TRPC6: variants seen among roughly 807,000 people sequenced by gnomAD.
The protein encoded by TRPC6 is transient receptor potential cation channel subfamily C member 6, also known as short transient receptor potential channel 6.
Under a neutral mutation model 90.7 loss-of-function variants are expected in TRPC6, and 55 were observed. The observed-to-expected ratio is 0.61, with a 90% CI of 0.49 to 0.76. TRPC6 has a LOEUF of 0.76. Among genes scored for constraint, TRPC6 ranks in the 30% least tolerant of loss-of-function variants. The pLI is 0.00. For synonymous variants in TRPC6, 393 were observed against 393.0 expected, an observed-to-expected ratio of 1.00 and a Z score of 0.00; for missense variants, 989 against 1,122.7, an observed-to-expected ratio of 0.88 and a Z score of 1.70.
rs541169363 is a variant in TRPC6 at position 101,502,707 on chromosome 11, G to A, written c.945+1317C>T. 2.2e-4 allele frequency among the ~76,000 whole-genome samples: 33 copies of A among 152,324 alleles called. No individual in the cohort carries two copies. The South Asian group carries it at 6.0e-3, about 28-fold the overall frequency. On this transcript the variant is annotated intron_variant, in intron 2 of 12. Transcript: ENST00000344327. ...ACAGGGTTAGAAGGACCATTTACTT[G>A]TCTTGCCCTGTTAGCTGCCAGGTAG...
intron 1 of TRPC6, among the ~76,000 whole-genome samples, chr11:101,561,491 GTTGAGAACAT>G (rs1861712102): frequency 6.6e-6 from 1 of 152,108 alleles, no homozygotes; most frequent in South Asian, 2.1e-4. Context: ...CATGGAAACT[GTTGAGAACAT>G]TTGAGAACAG....
chr11:101,475,583 C>T (rs979028411), intron 6 of TRPC6, among the ~76,000 whole-genome samples: 3 of 152,164 alleles, frequency 2.0e-5, no homozygotes, highest in East Asian at 1.9e-4. Context: ...TCATCCTATC[C>T]GTGTACCCTT....
intron 1 of TRPC6, among the ~76,000 whole-genome samples, chr11:101,545,608 G>A (rs1200024319): frequency 6.6e-6 from 1 of 152,134 alleles, no homozygotes; most frequent in Non-Finnish European, 1.5e-5. Context: ...CCAATACTCT[G>A]TTAACATTAT....
chr11:101,463,115 C>T lies in TRPC6; in HGVS notation c.2484+6312G>A, dbSNP rs377374915. On this transcript the variant is annotated intron_variant, in intron 10 of 12. Coordinates refer to ENST00000344327, the MANE Select transcript of TRPC6 (RefSeq NM_004621.6). Reference sequence around the variant, plus strand: ...TGTTTACGTGATGGATTACGTTTATCGATTTGCGTATGTTGAACCAGCCTT... The same window carrying T: ...TGTTTACGTGATGGATTACGTTTATTGATTTGCGTATGTTGAACCAGCCTT... Among the ~76,000 whole-genome samples, 57 of 152,122 alleles carry T rather than the reference C, an allele frequency of 3.7e-4. No individual in the cohort carries two copies. The East Asian group carries it at 3.9e-3, about 10-fold the overall frequency.
At chr11:101,509,829 T>C (rs1008987344) in intron 1 of TRPC6, among the ~76,000 whole-genome samples, 1 of 152,154 alleles carries the variant, frequency 6.6e-6, no homozygotes, top group Non-Finnish European at 1.5e-5. Flanking sequence ...GCCTAGATTA[T>C]CATAATCTGT....
chr11:101,528,099 A>G (rs1316656641), intron 1 of TRPC6, among the ~76,000 whole-genome samples: 3 of 152,118 alleles, frequency 2.0e-5, no homozygotes, highest in Non-Finnish European at 2.9e-5. Flanking sequence ...ATATTTGTCT[A>G]TGTCTATCTG....
At chr11:101,503,405 G>C (rs986692572) in intron 2 of TRPC6, among the ~76,000 whole-genome samples, 2 of 152,132 alleles carry the variant, frequency 1.3e-5, no homozygotes, top group Non-Finnish European at 2.9e-5. Flanking sequence ...ACCATATACA[G>C]CTGAAATGCC....
chr11:101,578,007 A>C (rs969547164), intron 1 of TRPC6, among the ~76,000 whole-genome samples: 4 of 151,308 alleles, frequency 2.6e-5, no homozygotes, highest in Admixed American at 6.6e-5. Flanking sequence ...ATTTCATTAA[A>C]GTAGCTGGCA....
Position 101,504,704 on chromosome 11 carries a change from T to TAAACATGTATGC in TRPC6, c.253_264dup (p.Ala85_Phe88dup), listed in dbSNP as rs778276152. The TAAACATGTATGC allele has an allele frequency of 3.8e-4, 602 of 1,594,646 alleles. 2 individuals carry two copies. Among genetic ancestry groups the TAAACATGTATGC allele is most frequent in the Non-Finnish European group, 4.8e-4 (560 of 1,169,320 alleles). ...ATAGATAGGCTTGTGGAGCGATCAC[T>TAAACATGTATGC]AAACATGTATGCTGGTCCTCGATTA... On this transcript the variant is annotated inframe_insertion, in exon 2 of 13. Transcript: ENST00000344327.
chr11:101,510,761 C>A (rs1015322571), intron 1 of TRPC6, among the ~76,000 whole-genome samples: 1 of 152,056 alleles, frequency 6.6e-6, no homozygotes, highest in Non-Finnish European at 1.5e-5. Context: ...TTGAAAATGC[C>A]AGCAATGCAA....
chr11:101,559,808 C>T (rs1255125803), intron 1 of TRPC6, among the ~76,000 whole-genome samples: 1 of 139,060 alleles, frequency 7.2e-6, no homozygotes, highest in African/African-American at 2.7e-5. Context: ...CAACAGGCCC[C>T]GGTGTGTGAT....
chr11:101,583,648 G>C lies in TRPC6; in HGVS notation c.-145C>G. Reference sequence around the variant, plus strand: ...CCCAGGGGACGACGGTGAAGCAGGGGGTGCAGACGCCCGCCGCAAGTGGCT... The same window carrying C: ...CCCAGGGGACGACGGTGAAGCAGGGCGTGCAGACGCCCGCCGCAAGTGGCT... On this transcript the variant is annotated 5_prime_UTR_variant, in exon 1 of 13. Coordinates refer to ENST00000344327, the MANE Select transcript of TRPC6 (RefSeq NM_004621.6). 4.6e-6 allele frequency: 4 copies of C among 865,584 alleles called. No homozygotes were observed. The highest frequency in any genetic ancestry group is 4.8e-6 in the Non-Finnish European group (3 of 618,642). 53.6% of individuals were successfully genotyped at this position (865,584 alleles called of 1,614,324 possible).
At chr11:101,466,149 C>T (rs547594409) in intron 10 of TRPC6, among the ~76,000 whole-genome samples, 21 of 152,114 alleles carry the variant, frequency 1.4e-4, no homozygotes, top group Admixed American at 3.3e-4. Context: ...CTTGAATCTT[C>T]GTCCCAAAGG....
intron 10 of TRPC6, among the ~76,000 whole-genome samples, chr11:101,467,068 G>T (rs1431151844): frequency 6.6e-6 from 1 of 152,110 alleles, no homozygotes; most frequent in Non-Finnish European, 1.5e-5. Context: ...GAGATGAACT[G>T]GGTACCTCAG....
At chr11:101,469,581 T>C (rs921831083) in intron 9 of TRPC6, 80 bp from the exon 10 acceptor site, 3 of 665,658 alleles carry the variant, frequency 4.5e-6, no homozygotes, top group Non-Finnish European at 8.2e-6. Flanking sequence ...AGCCATTTCG[T>C]CTAATTCTCC....
chr11:101,475,020 T>C (rs1859379454), intron 6 of TRPC6, among the ~76,000 whole-genome samples: 1 of 152,178 alleles, frequency 6.6e-6, no homozygotes, highest in South Asian at 2.1e-4. Context: ...CCCTGGCCCA[T>C]TGCTATCTAG....
intron 1 of TRPC6, among the ~76,000 whole-genome samples, chr11:101,521,023 T>A (rs1426816953): frequency 6.6e-6 from 1 of 151,930 alleles, no homozygotes; most frequent in Non-Finnish European, 1.5e-5. Context: ...CCTGACCCTG[T>A]GTAGAAAAGA....
chr11:101,461,521 A>T (rs986061175), intron 10 of TRPC6, among the ~76,000 whole-genome samples: 19 of 152,234 alleles, frequency 1.2e-4, no homozygotes, highest in African/African-American at 4.1e-4. Flanking sequence ...GCAGCAAGCC[A>T]TGATGGCACC....
At chr11:101,491,836 CTTTTTTTTT>C (rs71056611) in intron 2 of TRPC6, 98 bp from the exon 3 acceptor site, 11 of 445,038 alleles carry the variant, frequency 2.5e-5, no homozygotes, top group African/African-American at 7.0e-5. Context: ...GAGAAACATT[CTTTTTTTTT>C]TTTTTTTTTT....
Sources: allele counts gnomAD v4.1 joint callset (sites outside exome capture counted in the v4.1 genomes callset), GRCh38; gene constraint gnomAD v4.1.1; transcripts MANE v1.5; gene names NCBI Gene and HGNC (gene_info 2026-07-23, HGNC 2026-07-21).